Variants in FSIP1 observed in about 807,000 individuals in gnomAD.
The protein encoded by FSIP1 is fibrous sheath interacting protein 1, also known as fibrous sheath-interacting protein 1.
FSIP1 carries 65 observed loss-of-function variants against 60.9 expected under a neutral mutation model. The ratio of observed to expected loss-of-function variants is 1.07; its 90% CI spans 0.87 to 1.31. FSIP1 has a LOEUF of 1.31. Among genes scored for constraint, FSIP1 ranks in the 40% most tolerant of loss-of-function variants. The pLI is 0.00. For missense variants in FSIP1, 675 were observed against 665.5 expected (o/e 1.01, Z -0.16); for synonymous variants, 209 against 221.2 (o/e 0.94, Z 0.49).
intron 11 of FSIP1, among the ~76,000 whole-genome samples, chr15:39,614,697 A>C (rs541286907): frequency 1.2e-3 from 180 of 152,156 alleles, no homozygotes; most frequent in African/African-American, 4.0e-3. Flanking sequence ...TGAAAGAATT[A>C]ATGGTTAAAA....
In FSIP1 at chr15:39,763,883, T is replaced by A; in HGVS notation, c.497A>T (p.Lys166Ile). Residue 166 changes from lysine to isoleucine, a missense_variant, in exon 5 of 12, where the codon AAA becomes ATA. Transcript: ENST00000350221. Reference protein sequence around the residue: ...SAKYSEAWQSKEEMENTKKFL... With the variant: ...SAKYSEAWQSIEEMENTKKFL... ...TTTTTTTGTATTTTCCATCTCCTCT[T>A]TACTTTGCCAAGCTTCACTATATTT... The A allele has an allele frequency of 6.2e-7, 1 of 1,600,302 alleles. No homozygotes were observed. Among genetic ancestry groups the A allele is most frequent in the Non-Finnish European group, 8.6e-7 (1 of 1,168,160 alleles).
intron 9 of FSIP1, among the ~76,000 whole-genome samples, chr15:39,718,493 C>CTTT (rs11422776): frequency 5.7e-5 from 8 of 139,338 alleles, no homozygotes; most frequent in Non-Finnish European, 7.7e-5. Context: ...GCAGACAAAC[C>CTTT]TTTTTTTTTT....
chr15:39,714,085 T>G (rs1310523991), intron 9 of FSIP1, among the ~76,000 whole-genome samples: 1 of 152,220 alleles, frequency 6.6e-6, no homozygotes, highest in Non-Finnish European at 1.5e-5. Flanking sequence ...TTAACCTCTC[T>G]GAGCTTCAGT....
chr15:39,640,476 C>T (rs1185436480), intron 10 of FSIP1, among the ~76,000 whole-genome samples: 1 of 152,178 alleles, frequency 6.6e-6, no homozygotes, highest in African/African-American at 2.4e-5. Context: ...CATGAACCAT[C>T]TAATTCAACC....
At chr15:39,722,916 C>T (rs963294684) in intron 9 of FSIP1, among the ~76,000 whole-genome samples, 1 of 151,484 alleles carries the variant, frequency 6.6e-6, no homozygotes, top group Non-Finnish European at 1.5e-5. Flanking sequence ...GGGTGACAAG[C>T]GAGACCTTGT....
chr15:39,686,144 G>C (rs1490585041), intron 10 of FSIP1, among the ~76,000 whole-genome samples: 1 of 152,112 alleles, frequency 6.6e-6, no homozygotes, highest in Non-Finnish European at 1.5e-5. Flanking sequence ...CCTATAAGGG[G>C]ATTCTCTAGG....
intron 10 of FSIP1, among the ~76,000 whole-genome samples, chr15:39,701,103 G>C (rs1192795062): frequency 1.3e-5 from 2 of 152,208 alleles, no homozygotes; most frequent in Non-Finnish European, 2.9e-5. Flanking sequence ...GGTGAGTCAA[G>C]ATTGCACCAC....
intron 8 of FSIP1, among the ~76,000 whole-genome samples, chr15:39,735,019 G>C: frequency 6.6e-6 from 1 of 152,216 alleles, no homozygotes; most frequent in African/African-American, 2.4e-5. Flanking sequence ...TTCCTAGAAT[G>C]TATCAAGAAA....
intron 1 of FSIP1, among the ~76,000 whole-genome samples, chr15:39,778,159 T>C (rs745547673): frequency 3.3e-5 from 5 of 152,208 alleles, no homozygotes; most frequent in Non-Finnish European, 5.9e-5. Flanking sequence ...TGGATCACCC[T>C]GGCCCCTCAC....
At chr15:39,686,138 T>C (rs1473812924) in intron 10 of FSIP1, among the ~76,000 whole-genome samples, 1 of 152,112 alleles carries the variant, frequency 6.6e-6, no homozygotes, top group Non-Finnish European at 1.5e-5. Context: ...TCACCACCTA[T>C]AAGGGGATTC....
At chr15:39,756,396 G>A (rs1026901298) in intron 5 of FSIP1, among the ~76,000 whole-genome samples, 6 of 152,128 alleles carry the variant, frequency 3.9e-5, no homozygotes, top group African/African-American at 9.7e-5. Flanking sequence ...GTGTTTTGGA[G>A]ATAGGGTTTC....
chr15:39,623,698 C>G (rs1434953982), intron 10 of FSIP1, among the ~76,000 whole-genome samples: 1 of 152,092 alleles, frequency 6.6e-6, no homozygotes, highest in Non-Finnish European at 1.5e-5. Context: ...TTGAGGTTTG[C>G]TGTAAGATCA....
intron 10 of FSIP1, among the ~76,000 whole-genome samples, chr15:39,680,080 T>C (rs148370352): frequency 9.2e-5 from 14 of 152,166 alleles, no homozygotes; most frequent in African/African-American, 3.1e-4. Flanking sequence ...GTGATAGAAC[T>C]GGGGAAATGC....
chr15:39,665,589 G>A (rs547634815), intron 10 of FSIP1, among the ~76,000 whole-genome samples: 133 of 152,168 alleles, frequency 8.7e-4, no homozygotes, highest in Non-Finnish European at 1.4e-3. Context: ...GACTAAGGCA[G>A]TGGCAAAGTC....
chr15:39,694,024 A>C (rs1471983932), intron 10 of FSIP1, among the ~76,000 whole-genome samples: 1 of 152,228 alleles, frequency 6.6e-6, no homozygotes, highest in Non-Finnish European at 1.5e-5. Context: ...TATACATATC[A>C]AAAGACCACA....
At chr15:39,721,546 G>A (rs1895980802) in intron 9 of FSIP1, among the ~76,000 whole-genome samples, 1 of 152,192 alleles carries the variant, frequency 6.6e-6, no homozygotes. Context: ...CTTGAGGTCA[G>A]AGATCAAGCT....
At chr15:39,628,662 C>G (rs1228680685) in intron 10 of FSIP1, among the ~76,000 whole-genome samples, 1 of 152,214 alleles carries the variant, frequency 6.6e-6, no homozygotes, top group Non-Finnish European at 1.5e-5. Context: ...AACTCTCTCT[C>G]TGAAAGCAAT....
chr15:39,618,375 T>A, intron 10 of FSIP1, 130 bp from the exon 11 acceptor site: 1 of 737,410 alleles, frequency 1.4e-6, no homozygotes, highest in Non-Finnish European at 2.2e-6. Context: ...AGAAAAATAA[T>A]TCATTGTAAA....
At chr15:39,606,433 C>T (rs1253370744) in intron 11 of FSIP1, among the ~76,000 whole-genome samples, 2 of 152,132 alleles carry the variant, frequency 1.3e-5, no homozygotes, top group African/African-American at 4.8e-5. Flanking sequence ...ATTGCATACC[C>T]ATCACCTCAT....
Sources: allele counts gnomAD v4.1 joint callset (sites outside exome capture counted in the v4.1 genomes callset), GRCh38; gene constraint gnomAD v4.1.1; transcripts MANE v1.5; gene names NCBI Gene and HGNC (gene_info 2026-07-23, HGNC 2026-07-21).